The following STK3 variants were observed in gnomAD, a reference collection of about 807,000 sequenced individuals.
STK3 encodes the protein serine/threonine-protein kinase 3.
In STK3, 41 loss-of-function variants were observed where a neutral mutation model predicts 58.0. The observed-to-expected ratio is 0.71, with a 90% confidence interval of 0.55 to 0.92. The LOEUF (loss-of-function observed/expected upper bound fraction) is 0.92, where lower values mean the gene tolerates loss of function less well. Ranked by LOEUF, STK3 falls within the 40% of genes least tolerant of loss-of-function variation. STK3 has a pLI of 0.00. For synonymous variants in STK3, 170 were observed against 191.0 expected (o/e 0.89, Z 0.91); for missense variants, 479 against 602.7 (o/e 0.79, Z 2.15).
At chr8:98,448,229 G>A (rs1819042801) in intron 1 of STK3, among the ~76,000 whole-genome samples, 2 of 152,076 alleles carry the variant, frequency 1.3e-5, no homozygotes, top group South Asian at 4.1e-4. Flanking sequence ...CATGCAAACT[G>A]ATTTATGGTC....
At chr8:98,893,464 A>AAG (rs1564087083) in intron 1 of STK3, among the ~76,000 whole-genome samples, 6 of 106,486 alleles carry the variant, frequency 5.6e-5, no homozygotes, top group African/African-American at 2.2e-4. Flanking sequence ...GAAAGAAAGA[A>AAG]AGAAAGAAAG....
intron 10 of STK3, among the ~76,000 whole-genome samples, chr8:98,484,237 A>G (rs554852750): frequency 6.6e-6 from 1 of 152,086 alleles, no homozygotes. Context: ...TTCCTACAAA[A>G]ATCAGGGGAA....
intron 1 of STK3, among the ~76,000 whole-genome samples, chr8:98,439,943 A>T (rs1327577023): frequency 6.6e-6 from 1 of 152,156 alleles, no homozygotes; most frequent in Non-Finnish European, 1.5e-5. Context: ...GCAGTGAGAT[A>T]TTGGGCACAA....
At chr8:98,837,803 A>T (rs1835799415) in intron 3 of STK3, among the ~76,000 whole-genome samples, 1 of 152,166 alleles carries the variant, frequency 6.6e-6, no homozygotes, top group Admixed American at 6.5e-5. Flanking sequence ...ATGGTGGCAC[A>T]CACCTGTAGT....
downstream of STK3, among the ~76,000 whole-genome samples, chr8:98,367,222 A>G (rs1409640487): frequency 2.0e-5 from 3 of 152,250 alleles, no homozygotes; most frequent in Non-Finnish European, 4.4e-5. Flanking sequence ...GTATTCAATA[A>G]TCATCAGCCA....
intron 1 of STK3, among the ~76,000 whole-genome samples, chr8:98,789,656 G>T (rs1366314413): frequency 6.6e-6 from 1 of 152,120 alleles, no homozygotes; most frequent in African/African-American, 2.4e-5. Flanking sequence ...AAAACCTAGA[G>T]GAGATAGATA....
chr8:98,696,784 T>C (rs993589304), intron 6 of STK3, among the ~76,000 whole-genome samples: 19 of 152,146 alleles, frequency 1.2e-4, no homozygotes, highest in Non-Finnish European at 2.1e-4. Flanking sequence ...GATTTTTGCA[T>C]CAATGTTCAT....
intron 3 of STK3, among the ~76,000 whole-genome samples, chr8:98,406,616 C>T (rs1817995522): frequency 6.6e-6 from 1 of 152,174 alleles, no homozygotes; most frequent in Non-Finnish European, 1.5e-5. Context: ...GTGAAAGAAA[C>T]ATACTTTTTC....
In STK3 at chr8:98,423,166, C is replaced by G. The variant is rs553655829; in HGVS notation, n.483+10961G>C. Among the ~76,000 whole-genome samples the G allele has an allele frequency of 5.3e-5, 8 of 152,356 alleles. No individual in the cohort carries two copies. The South Asian group carries it at 1.7e-3, about 32-fold the overall frequency. On this transcript the variant is annotated intron_variant and non_coding_transcript_variant, in intron 3 of 3. Coordinates refer to the STK3 transcript ENST00000517832. ...GGCACAGAATAACTTAACATAGCAG[C>G]TGGGGCCTCATTCATTCGTCATCCA...
chr8:98,893,546 G>GAAAGAAAA (rs1564087663), intron 1 of STK3, among the ~76,000 whole-genome samples: 23 of 138,640 alleles, frequency 1.7e-4, no homozygotes, highest in African/African-American at 5.8e-4. Flanking sequence ...GAAAAAGAAA[G>GAAAGAAAA]AGAAAGAGAA....
intron 8 of STK3, among the ~76,000 whole-genome samples, chr8:98,568,064 G>GATAGATAA (rs1812640426): frequency 6.3e-5 from 1 of 15,816 alleles, no homozygotes; most frequent in African/African-American, 2.3e-4. Flanking sequence ...TTAGATAGAT[G>GATAGATAA]ATAGATAGAT....
intron 1 of STK3, chr8:98,905,445 G>T: frequency 1.5e-6 from 2 of 1,298,802 alleles, no homozygotes; most frequent in East Asian, 4.6e-5. Context: ...CTTGGTTGAC[G>T]CTTTGCTCTT....
chr8:98,380,769 G>A (rs970740016), intron 1 of STK3, among the ~76,000 whole-genome samples: 1 of 151,864 alleles, frequency 6.6e-6, no homozygotes, highest in African/African-American at 2.4e-5. Context: ...TGGGATTTTG[G>A]GTCCTTTGCA....
At chr8:98,504,729 C>T (rs551016770) in intron 10 of STK3, among the ~76,000 whole-genome samples, 1 of 152,322 alleles carries the variant, frequency 6.6e-6, no homozygotes, top group East Asian at 1.9e-4. Context: ...CCACTGTCTA[C>T]TGGCTTGTAG....
intron 1 of STK3, among the ~76,000 whole-genome samples, chr8:98,918,947 C>T (rs1839446805): frequency 6.6e-6 from 1 of 151,562 alleles, no homozygotes; most frequent in African/African-American, 2.4e-5. Context: ...GAGGCAATAA[C>T]AGTGTCATGG....
intron 4 of STK3, among the ~76,000 whole-genome samples, chr8:98,744,564 G>A (rs575468841): frequency 4.2e-5 from 5 of 119,726 alleles, no homozygotes; most frequent in Admixed American, 2.3e-4. Flanking sequence ...GGGGAACATC[G>A]CACTCTGGGG....
chr8:98,436,564 A>C (rs1818497642), intron 2 of STK3: 1 of 152,216 alleles, frequency 6.6e-6, no homozygotes, highest in South Asian at 2.1e-4. Flanking sequence ...CACAATATTG[A>C]TTATTTACTG....
chr8:98,870,805 T>C (rs1837343950), intron 3 of STK3, among the ~76,000 whole-genome samples: 1 of 152,236 alleles, frequency 6.6e-6, no homozygotes, highest in Non-Finnish European at 1.5e-5. Context: ...CTGTTCACTC[T>C]GATGGTAGTT....
chr8:98,400,836 G>T (rs982777517), downstream of STK3, among the ~76,000 whole-genome samples: 4 of 152,030 alleles, frequency 2.6e-5, no homozygotes, highest in African/African-American at 9.7e-5. Context: ...GCTGGGGACT[G>T]CCCTGCCCCT....
Sources: gnomAD v4.1 joint callset for allele counts (sites outside exome capture counted in the v4.1 genomes callset) on GRCh38, gnomAD v4.1.1 for gene constraint, MANE v1.5 for transcripts, NCBI Gene and HGNC (gene_info 2026-07-23, HGNC 2026-07-21) for gene names.